Variants in PREX2 observed in about 807,000 individuals in gnomAD.
PREX2 encodes phosphatidylinositol-3,4,5-trisphosphate dependent Rac exchange factor 2, also known as phosphatidylinositol 3,4,5-trisphosphate-dependent Rac exchanger 2 protein.
PREX2 carries 107 observed loss-of-function variants against 203.2 expected under a neutral mutation model. The ratio of observed to expected loss-of-function variants is 0.53; its 90% CI spans 0.45 to 0.62. The LOEUF (loss-of-function observed/expected upper bound fraction) is 0.62. PREX2 is among the 20% of genes least tolerant of loss of function. The pLI is 0.00. For synonymous variants in PREX2, 672 were observed against 663.6 expected, an observed-to-expected ratio of 1.01 and a Z score of -0.19; for missense variants, 1,777 against 1,955.9, an observed-to-expected ratio of 0.91 and a Z score of 1.72.
intron 35 of PREX2, among the ~76,000 whole-genome samples, chr8:68,185,668 T>G (rs965910794): frequency 1.3e-5 from 2 of 150,910 alleles, no homozygotes; most frequent in African/African-American, 4.9e-5. Context: ...TACCACTGCT[T>G]ACTATAACTT....
chr8:68,096,555 G>T (rs1171278935), intron 21 of PREX2, among the ~76,000 whole-genome samples: 2 of 152,034 alleles, frequency 1.3e-5, no homozygotes, highest in Non-Finnish European at 2.9e-5. Context: ...GAAACTGCAG[G>T]CACCCTGTCT....
intron 24 of PREX2, 22 bp downstream of exon 24, chr8:68,108,353 T>C (rs1456319826): frequency 1.3e-6 from 2 of 1,579,756 alleles, no homozygotes; most frequent in East Asian, 2.2e-5. Context: ...TTTGCAACTT[T>C]ATCAAATCAT....
intron 8 of PREX2, among the ~76,000 whole-genome samples, chr8:68,046,389 G>A (rs75613303): frequency 0.015 from 2,262 of 152,158 alleles, 49 homozygotes; most frequent in African/African-American, 0.052. Flanking sequence ...CTGTCTTCCC[G>A]TGTATCTGGG....
At chr8:68,221,724 A>G (rs1812957360) in intron 38 of PREX2, among the ~76,000 whole-genome samples, 3 of 152,198 alleles carry the variant, frequency 2.0e-5, no homozygotes, top group African/African-American at 7.2e-5. Flanking sequence ...AAATGTGCCA[A>G]TAGATGTCTT....
At chr8:68,211,114 G>A (rs12545635) in intron 37 of PREX2, among the ~76,000 whole-genome samples, 35,158 of 151,972 alleles carry the variant, frequency 0.23, 4,763 homozygotes, top group East Asian at 0.63. Context: ...CCTTCCTTTA[G>A]TTCTACAGTT....
intron 35 of PREX2, among the ~76,000 whole-genome samples, chr8:68,161,093 CTTTCTTTT>C (rs1471901635): frequency 6.6e-6 from 1 of 151,456 alleles, no homozygotes; most frequent in Non-Finnish European, 1.5e-5. Context: ...TTCTTTCTTT[CTTTCTTTT>C]TTTTTGGGGG....
intron 32 of PREX2, among the ~76,000 whole-genome samples, chr8:68,135,096 ATT>A (rs750625160): frequency 6.2e-4 from 62 of 99,752 alleles, no homozygotes; most frequent in African/African-American, 5.3e-4. Flanking sequence ...TTAAAAACAA[ATT>A]TTGTGTGTGT....
At chr8:67,956,971 G>C (rs1213199376) in intron 1 of PREX2, among the ~76,000 whole-genome samples, 1 of 152,142 alleles carries the variant, frequency 6.6e-6, no homozygotes, top group African/African-American at 2.4e-5. Flanking sequence ...TTCATTCGTA[G>C]AAGGGAGAAC....
rs76831741 is a variant in PREX2 at position 67,955,515 on chromosome 8, T to C, written c.141+2980T>C. On this transcript the variant is annotated intron_variant, in intron 1 of 39. Transcript: ENST00000288368. ...TGGATTCCTACTGGGCTTTCAAGGC[T>C]CAGTTAGCCCCTTCTTCCCAGGTGC... Among the ~76,000 whole-genome samples the C allele has an allele frequency of 2.3e-3, 356 of 152,340 alleles. 8 individuals are homozygous for C. In the East Asian group the frequency reaches 0.041, roughly 18 times the overall value.
intron 35 of PREX2, among the ~76,000 whole-genome samples, chr8:68,189,641 C>G (rs1349390713): frequency 6.6e-6 from 1 of 152,164 alleles, no homozygotes; most frequent in Middle Eastern, 3.2e-3. Flanking sequence ...AACTGTATTT[C>G]ATGGCACTTG....
At chr8:67,957,846 A>C (rs746705143) in intron 1 of PREX2, among the ~76,000 whole-genome samples, 1 of 152,238 alleles carries the variant, frequency 6.6e-6, no homozygotes, top group Non-Finnish European at 1.5e-5. Flanking sequence ...CCAATACTTA[A>C]GAATAGGACT....
Position 68,060,769 on chromosome 8 carries a change from C to A in PREX2, c.1329C>A (p.Ile443=). ...HLGQALLENG[I]IHHVTDKHQF... is the part of the protein sequence containing the mutation. The stretch of plus-strand genomic sequence containing the variant: ...GACAAGCATTATTAGAAAATGGAAT[C>A]ATTCACCATGGTAATTACTTTATTA... Residue 443 remains isoleucine (I), a synonymous_variant, in exon 11 of 40, where the codon ATC becomes ATA. Transcript: ENST00000288368. 1 of 1,598,118 alleles carries A rather than the reference C, an allele frequency of 6.3e-7. No homozygotes were observed.
intron 15 of PREX2, among the ~76,000 whole-genome samples, chr8:68,078,084 A>T (rs1227683989): frequency 6.6e-6 from 1 of 152,174 alleles, no homozygotes; most frequent in African/African-American, 2.4e-5. Context: ...TCTTAGATTT[A>T]TCAGGGTAAT....
intron 1 of PREX2, among the ~76,000 whole-genome samples, chr8:68,008,304 C>G (rs543258691): frequency 6.6e-6 from 1 of 152,120 alleles, no homozygotes; most frequent in Non-Finnish European, 1.5e-5. Flanking sequence ...CAGCACTAAC[C>G]GTTTTAGTTA....
chr8:68,054,353 G>T (rs1441559183), intron 9 of PREX2, among the ~76,000 whole-genome samples: 2 of 146,166 alleles, frequency 1.4e-5, no homozygotes. Flanking sequence ...TTTTTCTTAA[G>T]CACCCAAGAG....
chr8:68,192,353 G>A lies in PREX2; in HGVS notation c.4432G>A (p.Ala1478Thr), dbSNP rs143014630. The change falls in exon 37 of 40, where the codon GCT (alanine) becomes ACT (threonine). Residue 1478 changes from alanine to threonine, a missense_variant. By Grantham distance (58) the Ala-to-Thr change is moderately conservative. Transcript: ENST00000288368. Reference sequence around the variant, plus strand: ...TCTGCAGCTAATGAGGCCTCTCAACGCTTTGGATGAACTTTACCGACTGGT... The same window carrying A: ...TCTGCAGCTAATGAGGCCTCTCAACACTTTGGATGAACTTTACCGACTGGT... ...YVDKLMRPLN[A>T]LDELYRLVAS... 14 of 1,603,338 alleles carry A rather than the reference G, an allele frequency of 8.7e-6. No homozygotes were observed. The highest frequency in any genetic ancestry group is 4.0e-5 in the African/African-American group (3 of 74,714).
rs2129615723 is a variant in PREX2, at chr8:68,233,278, A to C, written c.*1900A>C. 6.6e-6 allele frequency: 1 copy of C among 152,278 alleles called. No homozygotes were observed. The highest frequency in any genetic ancestry group is 6.5e-5 in the Admixed American group (1 of 15,294). 9.4% of individuals were successfully genotyped at this position (152,278 alleles called of 1,614,324 possible). ...TAGCAAGTCCTTTCATATTGTCATG[A>C]CTGTTTTCTCATCACCATCCTGGAA... On this transcript the variant is annotated 3_prime_UTR_variant, in exon 40 of 40. Transcript: ENST00000288368.
intron 34 of PREX2, among the ~76,000 whole-genome samples, chr8:68,156,502 G>T (rs971317372): frequency 7.2e-5 from 11 of 152,310 alleles, no homozygotes; most frequent in African/African-American, 2.6e-4. Context: ...AAAGAATGTT[G>T]TAGGGGAGGA....
At chr8:68,143,485 C>T (rs1310402943) in intron 33 of PREX2, among the ~76,000 whole-genome samples, 1 of 152,152 alleles carries the variant, frequency 6.6e-6, no homozygotes, top group Non-Finnish European at 1.5e-5. Flanking sequence ...CCAATTAAAC[C>T]TCTTTTCTTT....
Sources: allele counts gnomAD v4.1 joint callset (sites outside exome capture counted in the v4.1 genomes callset), GRCh38; gene constraint gnomAD v4.1.1; transcripts MANE v1.5; gene names NCBI Gene and HGNC (gene_info 2026-07-23, HGNC 2026-07-21).